CELF2: variants seen among roughly 807,000 people sequenced by gnomAD.
The protein encoded by CELF2 is CUGBP Elav-like family member 2, also known as CUG triplet repeat RNA-binding protein 2.
In CELF2, 8 loss-of-function variants were observed where a neutral mutation model predicts 62.6. That is an observed-to-expected ratio of 0.13 (90% confidence interval 0.07 to 0.23). The LOEUF (loss-of-function observed/expected upper bound fraction) is 0.23. Among genes scored for constraint, CELF2 ranks in the 10% least tolerant of loss-of-function variants. The probability of loss-of-function intolerance (pLI) is 1.00; values close to 1 mark genes in which losing one functional copy is unlikely to be tolerated. For synonymous variants in CELF2, 258 were observed against 250.0 expected, an observed-to-expected ratio of 1.03 and a Z score of -0.30; for missense variants, 333 against 671.0, an observed-to-expected ratio of 0.50 and a Z score of 5.56.
At chr10:10,669,052 C>T in the CELF2 span, among the ~76,000 whole-genome samples, 694 of 152,258 alleles carry the variant, frequency 4.6e-3, 4 homozygotes, top group African/African-American at 0.016. Context: ...TTAACTTTAC[C>T]TCTATCACAA....
chr10:10,855,815 C>T lies in CELF2; in HGVS notation c.53+56998C>T, dbSNP rs2059670801. ...GGTATCTACTATGTGCCAGTAAAAC[C>T]AACACTGGTTTTGTAACCTTCCAGC... On this transcript the variant is annotated intron_variant, in intron 1 of 13. Coordinates refer to the CELF2 transcript ENST00000636488. 3.3e-5 allele frequency among the ~76,000 whole-genome samples: 5 copies of T among 152,116 alleles called. No individual in the cohort carries two copies. In the South Asian group the frequency reaches 1.0e-3, roughly 32 times the overall value.
At chr10:10,778,247 T>C in the CELF2 span, among the ~76,000 whole-genome samples, 1 of 152,216 alleles carries the variant, frequency 6.6e-6, no homozygotes, top group Non-Finnish European at 1.5e-5. Flanking sequence ...GAGAGGGACC[T>C]TTACAACCTG....
chr10:11,062,146 CAG>C (rs1491089323), intron 1 of CELF2, among the ~76,000 whole-genome samples: 6 of 150,250 alleles, frequency 4.0e-5, no homozygotes, highest in Non-Finnish European at 8.9e-5. Flanking sequence ...ACCTACTGCT[CAG>C]GGGGGGAAAA....
chr10:11,249,798 T>C (rs569778426), intron 4 of CELF2, among the ~76,000 whole-genome samples: 95 of 152,360 alleles, frequency 6.2e-4, no homozygotes, highest in African/African-American at 2.1e-3. Context: ...TTTTGCCTAT[T>C]CGAGACATGA....
At chr10:11,261,910 T>C (rs2080754038) in intron 5 of CELF2, among the ~76,000 whole-genome samples, 1 of 152,220 alleles carries the variant, frequency 6.6e-6, no homozygotes, top group Non-Finnish European at 1.5e-5. Flanking sequence ...CCCTAGCATG[T>C]TGATTTCCTA....
At position 10,983,071 on chromosome 10, in the gene CELF2, T is replaced by G. The variant is rs1254091708; in HGVS notation, c.89+63072T>G. On this transcript the variant is annotated intron_variant, in intron 2 of 13. Transcript: ENST00000636488. This position sits in a 1 kb window ranked among gnomAD's most constrained non-coding sequence, Gnocchi z 5.2. ...GCCCTTTACTGACTTGGAGGTTGCA[T>G]CTTCTCAATCCGGTAATTAGCTGAA... 6.6e-6 allele frequency among the ~76,000 whole-genome samples: 1 copy of G among 152,194 alleles called. No homozygotes were observed. The highest frequency in any genetic ancestry group is 2.4e-5 in the African/African-American group (1 of 41,446).
the CELF2 span, among the ~76,000 whole-genome samples, chr10:10,770,289 G>A: frequency 4.0e-5 from 6 of 151,414 alleles, no homozygotes; most frequent in South Asian, 2.1e-4. Flanking sequence ...CCGAGGTCGC[G>A]CCACTGCACT....
rs548053504 is a variant in CELF2, at chr10:11,316,076, G to C, written c.1096+1818G>C. ...TTGCTGAGATTTTCCCATCGTTCTC[G>C]TCAGGGACTGGAGAGGGGCTGTGTT... On this transcript the variant is annotated intron_variant, in intron 10 of 12. Transcript: ENST00000633077. This position sits in a 1 kb window ranked among gnomAD's most constrained non-coding sequence, Gnocchi z 4.4. 6.6e-6 allele frequency among the ~76,000 whole-genome samples: 1 copy of C among 152,312 alleles called. No individual in the cohort carries two copies. The highest frequency in any genetic ancestry group is 3.4e-3 in the Middle Eastern group (1 of 294).
At chr10:10,471,220 T>C in the CELF2 span, among the ~76,000 whole-genome samples, 4 of 151,800 alleles carry the variant, frequency 2.6e-5, no homozygotes, top group African/African-American at 7.3e-5. Flanking sequence ...TCCACAGTTA[T>C]CTGATGTAGT....
chr10:10,673,147 A>G, the CELF2 span, among the ~76,000 whole-genome samples: 2 of 152,094 alleles, frequency 1.3e-5, no homozygotes, highest in African/African-American at 4.8e-5. Context: ...ACTTTACCAT[A>G]ATAATCGCTT....
chr10:11,200,439 A>T (rs896230653), intron 2 of CELF2, among the ~76,000 whole-genome samples: 1 of 152,256 alleles, frequency 6.6e-6, no homozygotes, highest in Non-Finnish European at 1.5e-5. Flanking sequence ...CTGTCTTTTC[A>T]TAGCACATCC....
At chr10:11,180,947 G>A (rs1449904993) in intron 2 of CELF2, among the ~76,000 whole-genome samples, 3 of 152,188 alleles carry the variant, frequency 2.0e-5, no homozygotes, top group Non-Finnish European at 4.4e-5. Flanking sequence ...TCGGCTCACT[G>A]CAAGTTCTGC....
the CELF2 span, among the ~76,000 whole-genome samples, chr10:10,717,792 C>G: frequency 6.6e-6 from 1 of 152,010 alleles, no homozygotes; most frequent in Non-Finnish European, 1.5e-5. Context: ...GTATTCTGCC[C>G]GGAATACTTC....
chr10:10,679,847 T>C, the CELF2 span, among the ~76,000 whole-genome samples: 3 of 152,228 alleles, frequency 2.0e-5, no homozygotes, highest in South Asian at 6.2e-4. Context: ...CTTTTTCTCC[T>C]TCAATTTAGA....
chr10:11,055,436 G>A (rs940815056), intron 1 of CELF2, among the ~76,000 whole-genome samples: 20 of 152,340 alleles, frequency 1.3e-4, no homozygotes, highest in East Asian at 9.6e-4. Context: ...TTGGCTGACC[G>A]AGTATCATTT....
chr10:11,028,084 T>G (rs1176378715), intron 1 of CELF2, among the ~76,000 whole-genome samples: 3 of 152,190 alleles, frequency 2.0e-5, no homozygotes, highest in Non-Finnish European at 4.4e-5. Context: ...TGCTCCCAAG[T>G]GAACTTTCAG....
Position 11,280,099 on chromosome 10 carries a change from T to C in CELF2, c.841+4979T>C, listed in dbSNP as rs1467994895. ...ATGAGCGTGTGGGATAAAGTGTGACTTGGGGTGCAGACTGAGGAGGCGCCT... is the reference window on the plus strand; with the variant it reads ...ATGAGCGTGTGGGATAAAGTGTGACCTGGGGTGCAGACTGAGGAGGCGCCT... On this transcript the variant is annotated intron_variant, in intron 8 of 12. Transcript: ENST00000633077. The surrounding 1 kb of genome is among the most constrained non-coding windows in gnomAD (Gnocchi z 7.6). 6.6e-6 allele frequency among the ~76,000 whole-genome samples: 1 copy of C among 152,090 alleles called. No individual in the cohort carries two copies. Among genetic ancestry groups the C allele is most frequent in the East Asian group, 1.9e-4 (1 of 5,196 alleles).
chr10:11,165,598 C>G lies in CELF2; in HGVS notation c.187C>G (p.Leu63Val). The G allele has an allele frequency of 6.2e-7, 1 of 1,614,238 alleles. No individual in the cohort carries two copies. The highest frequency in any genetic ancestry group is 1.7e-5 in the Admixed American group (1 of 60,026). ...CCCCCGGTCATGGTCGGAAAAGGAG[C>G]TGAAAGAACTTTTTGAGCCTTACGG... ...QIPRSWSEKE[L>V]KELFEPYGAV... Residue 63 changes from leucine (L) to valine (V), a missense_variant, in exon 2 of 13, where the codon CTG becomes GTG. Physicochemically the swap from Leu to Val is conservative, Grantham distance 32. This residue lies in a region of CELF2 where 253 missense variants were observed against 503.0 expected (regional missense o/e 0.50). Transcript: ENST00000633077. The surrounding 1 kb of genome is among the most constrained non-coding windows in gnomAD (Gnocchi z 7.4).
chr10:10,620,935 A>C, the CELF2 span, among the ~76,000 whole-genome samples: 2 of 133,532 alleles, frequency 1.5e-5, no homozygotes, highest in African/African-American at 5.6e-5. Flanking sequence ...AAAAAAAAAA[A>C]AAAAAAGGCG....
Sources: gnomAD v4.1 joint callset for allele counts (sites outside exome capture counted in the v4.1 genomes callset) on GRCh38, gnomAD v4.1.1 for gene constraint, gnomAD v4.1.1 regional missense constraint, Gnocchi (gnomAD v3.1) non-coding constraint, MANE v1.5 for transcripts, NCBI Gene and HGNC (gene_info 2026-07-23, HGNC 2026-07-21) for gene names.